Variants in ZNF254 observed in about 807,000 individuals in gnomAD.
The protein encoded by ZNF254 is CTD-2017D11.1.
Under a neutral mutation model 12.4 loss-of-function variants are expected in ZNF254, and 10 were observed. That is an observed-to-expected ratio of 0.80 (90% confidence interval 0.50 to 1.36). ZNF254 has a LOEUF of 1.36. ZNF254 is among the 40% of genes most tolerant of loss of function. The pLI, the probability that ZNF254 is intolerant of heterozygous loss-of-function variation, is 0.00. For synonymous variants in ZNF254, 305 were observed against 253.4 expected, an observed-to-expected ratio of 1.20 and a Z score of -1.93; for missense variants, 996 against 763.9, an observed-to-expected ratio of 1.30 and a Z score of -3.58.
chr19:24,116,190 C>T (rs534787758), intron 3 of ZNF254, among the ~76,000 whole-genome samples: 53 of 151,304 alleles, frequency 3.5e-4, no homozygotes, highest in African/African-American at 1.0e-3. Flanking sequence ...TTGCTCTTCT[C>T]GAGAAGTATC....
intron 2 of ZNF254, among the ~76,000 whole-genome samples, chr19:24,059,888 G>T (rs1971004314): frequency 6.6e-6 from 1 of 152,022 alleles, no homozygotes; most frequent in African/African-American, 2.4e-5. Context: ...GGGATGAGAG[G>T]TTCCTGCCTT....
intron 2 of ZNF254, among the ~76,000 whole-genome samples, chr19:24,055,882 G>A (rs181692524): frequency 6.6e-6 from 1 of 152,264 alleles, no homozygotes; most frequent in East Asian, 1.9e-4. Context: ...CATATAGGAA[G>A]GGTTAACCTC....
intron 2 of ZNF254, among the ~76,000 whole-genome samples, chr19:24,070,760 G>A (rs1183707425): frequency 6.6e-6 from 1 of 152,104 alleles, no homozygotes; most frequent in Non-Finnish European, 1.5e-5. Flanking sequence ...CACACAGATG[G>A]GATTGGGACA....
chr19:24,098,492 C>T (rs772825535), intron 1 of ZNF254: 2 of 152,238 alleles, frequency 1.3e-5, no homozygotes, highest in East Asian at 1.9e-4. Context: ...GCTAGATGAG[C>T]GCAGCAGAGA....
intron 3 of ZNF254, among the ~76,000 whole-genome samples, chr19:24,123,241 A>AT (rs1201169466): frequency 6.6e-6 from 1 of 152,142 alleles, no homozygotes; most frequent in African/African-American, 2.4e-5. Context: ...TTATTGTTTT[A>AT]TACTCGTACT....
intron 3 of ZNF254, among the ~76,000 whole-genome samples, chr19:24,108,139 G>A (rs1026432757): frequency 2.0e-5 from 3 of 152,142 alleles, no homozygotes. Flanking sequence ...AGGCAAAACC[G>A]GCCATGAACT....
intron 2 of ZNF254, among the ~76,000 whole-genome samples, chr19:24,068,319 G>A (rs1050679923): frequency 2.1e-5 from 3 of 140,304 alleles, no homozygotes; most frequent in Non-Finnish European, 4.6e-5. Flanking sequence ...TTTTTTTTTT[G>A]AGGCAGAGTC....
At chr19:24,035,258 G>A (rs562558794) in intron 1 of ZNF254, among the ~76,000 whole-genome samples, 1 of 152,292 alleles carries the variant, frequency 6.6e-6, no homozygotes, top group African/African-American at 2.4e-5. Flanking sequence ...CCGCCTCCCA[G>A]GTTGGAACAA....
chr19:24,047,149 G>A (rs1172179932), intron 2 of ZNF254, among the ~76,000 whole-genome samples: 2 of 151,978 alleles, frequency 1.3e-5, no homozygotes, highest in African/African-American at 4.8e-5. Flanking sequence ...AATTACAGGT[G>A]TGAGCCACTG....
At chr19:24,062,113 AAG>A (rs1568433582) in intron 2 of ZNF254, among the ~76,000 whole-genome samples, 1 of 150,126 alleles carries the variant, frequency 6.7e-6, no homozygotes, top group Non-Finnish European at 1.5e-5. Flanking sequence ...GAAAAAGAAA[AAG>A]GAGTAAAATC....
At chr19:24,054,513 C>A (rs62114776) in intron 2 of ZNF254, among the ~76,000 whole-genome samples, 4 of 152,142 alleles carry the variant, frequency 2.6e-5, no homozygotes, top group African/African-American at 9.6e-5. Context: ...ATAATGCCCT[C>A]GAGTGTTACA....
chr19:24,118,047 T>C lies in ZNF254; in HGVS notation c.254-8207T>C, dbSNP rs947396721. Among the ~76,000 whole-genome samples the C allele has an allele frequency of 6.6e-5, 10 of 151,842 alleles. No individual in the cohort carries two copies. In the East Asian group the frequency reaches 9.7e-4, roughly 15 times the overall value. On this transcript the variant is annotated intron_variant, in intron 3 of 3. Coordinates refer to ENST00000357002, the MANE Select transcript of ZNF254 (RefSeq NM_203282.4). ...ACCAACGATGCACATGGGTTTCTTT[T>C]TTTTCTTTTCTTTTTTTTTTTTTGA...
At chr19:24,048,030 T>A (rs113011717) in intron 2 of ZNF254, among the ~76,000 whole-genome samples, 16,108 of 114,370 alleles carry the variant, frequency 0.14, 1,223 homozygotes, top group Non-Finnish European at 0.18. Context: ...TTTTTTTGCG[T>A]TAGTCTCGCT....
At chr19:24,065,017 T>C (rs1971219410) in intron 2 of ZNF254, among the ~76,000 whole-genome samples, 2 of 152,180 alleles carry the variant, frequency 1.3e-5, no homozygotes, top group Admixed American at 1.3e-4. Flanking sequence ...ACCTAGGTGA[T>C]GTGGCTCTTC....
chr19:24,035,547 G>T (rs1479961793), intron 1 of ZNF254, among the ~76,000 whole-genome samples: 2 of 152,110 alleles, frequency 1.3e-5, no homozygotes, highest in African/African-American at 4.8e-5. Flanking sequence ...TTGGTGGCAC[G>T]CTGTATTCCC....
intron 2 of ZNF254, among the ~76,000 whole-genome samples, chr19:24,068,504 T>A (rs2145469161): frequency 6.6e-6 from 1 of 152,350 alleles, no homozygotes; most frequent in South Asian, 2.1e-4. Flanking sequence ...TTTCACCATG[T>A]TGGCCAGGCT....
chr19:24,127,172 CAACTCTT>C lies in ZNF254; in HGVS notation c.1174_1180del (p.Thr392LeufsTer5). 1.2e-6 allele frequency: 2 copies of C among 1,613,524 alleles called. No individual in the cohort carries two copies. Among genetic ancestry groups the C allele is most frequent in the Non-Finnish European group, 8.5e-7 (1 of 1,179,794 alleles). ...TGTGGCAAAGCTTTTAAGCAACTCT[CAACTCTT>C]ACTACACATAAAATAATTCATGTTG... On this transcript the variant is annotated frameshift_variant, in exon 4 of 4. Transcript: ENST00000357002. LOFTEE classifies it low-confidence loss of function (END_TRUNC).
In ZNF254 at chr19:24,098,988, CTTTTTTTTTTTTTTTT is replaced by C. The variant is rs927108646; in HGVS notation, c.31-6939_31-6924del. The C allele has an allele frequency of 2.3e-4, 17 of 74,776 alleles. No individual in the cohort carries two copies. In the South Asian group the frequency reaches 8.0e-3, roughly 35 times the overall value. The allele number at this position is 74,776 out of a possible 1,614,324, so 4.6% of individuals were successfully genotyped here. ...CTTCTTCTGCAGCTCAGGCTTCGCT[CTTTTTTTTTTTTTTTT>C]TTTTTTTTTTTTGAGACAGTCTTGC... On this transcript the variant is annotated intron_variant, in intron 1 of 3. Transcript: ENST00000357002.
chr19:24,034,480 G>A (rs1969882714), intron 1 of ZNF254, among the ~76,000 whole-genome samples: 1 of 144,914 alleles, frequency 6.9e-6, no homozygotes, highest in Non-Finnish European at 1.5e-5. Context: ...TTAGATTTAG[G>A]TAAGTGGGTT....
Sources: gnomAD v4.1 joint callset for allele counts (sites outside exome capture counted in the v4.1 genomes callset) on GRCh38, gnomAD v4.1.1 for gene constraint, MANE v1.5 for transcripts, NCBI Gene and HGNC (gene_info 2026-07-23, HGNC 2026-07-21) for gene names.